SLC22A25: variants seen among roughly 807,000 people sequenced by gnomAD.
The protein encoded by SLC22A25 is MGI:2442751, MGI:2385316, MGI:3042283, MGI:3645714, MGI:3605624, MGI:2442750.
Under a neutral mutation model 45.9 loss-of-function variants are expected in SLC22A25, and 44 were observed. That is an observed-to-expected ratio of 0.96 (90% CI 0.75 to 1.23). The LOEUF (loss-of-function observed/expected upper bound fraction) is 1.23. Among genes scored for constraint, SLC22A25 ranks in the 50% most tolerant of loss-of-function variants. SLC22A25 has a pLI of 0.00. For synonymous variants in SLC22A25, 283 were observed against 238.6 expected (o/e 1.19, Z -1.72); for missense variants, 800 against 666.4 (o/e 1.20, Z -2.21).
At position 63,163,715 on chromosome 11, in the gene SLC22A25, A is replaced by T. The variant is rs1184618471; in HGVS notation, c.*109T>A. On this transcript the variant is annotated 3_prime_UTR_variant, in exon 12 of 12. Coordinates refer to ENST00000306494, the MANE Select transcript of SLC22A25 (RefSeq NM_199352.6). The stretch of plus-strand genomic sequence containing the variant: ...GATGTATGAGGTCACTGTGGAAGGG[A>T]TGAGGATACACCAAAGGCAAAGGCA... 4.9e-6 allele frequency: 7 copies of T among 1,430,402 alleles called. No homozygotes were observed. The East Asian group carries it at 1.6e-4, about 33-fold the overall frequency. 88.6% of individuals were successfully genotyped at this position (1,430,402 alleles called of 1,614,324 possible).
chr11:63,222,210 G>A (rs1434873233), intron 5 of SLC22A25, among the ~76,000 whole-genome samples: 2 of 152,100 alleles, frequency 1.3e-5, no homozygotes, highest in African/African-American at 2.4e-5. Flanking sequence ...ATCTGTGATT[G>A]TGTTGGGTAG....
rs79237594 is a variant in SLC22A25, at chr11:63,228,550, G to A, written c.417C>T (p.Cys139=). 11,238 of 1,612,654 alleles carry A rather than the reference G, an allele frequency of 7.0e-3. 663 individuals carry two copies. The African/African-American group carries it at 0.13, about 18-fold the overall frequency. Residue 139 remains cysteine, a synonymous_variant, in exon 5 of 12, where the codon TGC becomes TGT. Transcript: ENST00000306494. ...CTACTGAATTCAGTGGTTGAGATTC[G>A]CATACCAGATCCCACTGGAAGAAAA... ...STIVTKWDLV[C]ESQPLNSVAK... is the part of the protein sequence containing the mutation.
At chr11:63,177,854 G>A (rs1160758360) in intron 9 of SLC22A25, among the ~76,000 whole-genome samples, 15 of 3,696 alleles carry the variant, frequency 4.1e-3, no homozygotes, top group Middle Eastern at 0.056. Context: ...TATATATAAT[G>A]TATATATATA....
In SLC22A25 at chr11:63,164,619, C is replaced by T. The variant is rs148517822; in HGVS notation, c.1301G>A (p.Arg434His). 1.2e-3 allele frequency: 1,960 copies of T among 1,613,684 alleles called. 1 individual carries two copies. Among genetic ancestry groups the T allele is most frequent in the Middle Eastern group, 1.5e-3 (9 of 6,040 alleles). Residue 434 changes from arginine to histidine, a missense_variant, in exon 11 of 12, where the codon CGT becomes CAT. By Grantham distance (29) the Arg-to-His change is conservative. Coordinates refer to ENST00000306494, the MANE Select transcript of SLC22A25 (RefSeq NM_199352.6). ...CACACCCAGGGTTGCCAAAACCACACGCAGGGTCTGCATTTCTGGAGAAAG... is the reference window on the plus strand; with the variant it reads ...CACACCCAGGGTTGCCAAAACCACATGCAGGGTCTGCATTTCTGGAGAAAG... ...IFVPQEMQTLRVVLATLGVGA... is the reference protein window; with the variant it reads ...IFVPQEMQTLHVVLATLGVGA...
At position 63,210,526 on chromosome 11, in the gene SLC22A25, A is replaced by G. The variant is rs571002521; in HGVS notation, c.830+6788T>C. Among the ~76,000 whole-genome samples the G allele has an allele frequency of 2.0e-5, 3 of 152,266 alleles. No individual in the cohort carries two copies. In the South Asian group the frequency reaches 6.2e-4, roughly 32 times the overall value. On this transcript the variant is annotated intron_variant, in intron 7 of 11. Transcript: ENST00000306494. ...AGGAAAAGGATGGAGATGATGGTCA[A>G]TTGTCTAACACCCGAGTGTGGCATT... is the stretch of plus-strand genomic sequence containing the variant.
chr11:63,232,861 C>A (rs1183146662), intron 3 of SLC22A25, among the ~76,000 whole-genome samples: 1 of 152,142 alleles, frequency 6.6e-6, no homozygotes, highest in African/African-American at 2.4e-5. Context: ...TGCATTTTGT[C>A]AAAGGCCTTT....
At position 63,234,689 on chromosome 11, in the gene SLC22A25, G is replaced by A. The variant is rs187104945; in HGVS notation, c.-445+3192C>T. Among the ~76,000 whole-genome samples the A allele has an allele frequency of 2.0e-5, 3 of 152,274 alleles. No individual in the cohort carries two copies. In the East Asian group the frequency reaches 5.8e-4, roughly 29 times the overall value. Reference sequence around the variant, plus strand: ...ATTTGATCCTGTCATTATGATGTTAGCTGGTTATTTTGCTTGTTAGTTGAT... The same window carrying A: ...ATTTGATCCTGTCATTATGATGTTAACTGGTTATTTTGCTTGTTAGTTGAT... On this transcript the variant is annotated intron_variant, in intron 3 of 11. Transcript: ENST00000306494.
At chr11:63,230,599 C>T (rs2090048728) in intron 3 of SLC22A25, among the ~76,000 whole-genome samples, 2 of 152,094 alleles carry the variant, frequency 1.3e-5, no homozygotes, top group Non-Finnish European at 2.9e-5. Context: ...ATGTATACCT[C>T]ATTGAGGTAT....
intron 7 of SLC22A25, among the ~76,000 whole-genome samples, chr11:63,213,080 G>T (rs570847713): frequency 6.6e-6 from 1 of 152,158 alleles, no homozygotes. Flanking sequence ...GCTTGGAAGT[G>T]CACACAAGGA....
intron 7 of SLC22A25, among the ~76,000 whole-genome samples, chr11:63,213,902 G>A (rs762634310): frequency 4.6e-5 from 7 of 152,194 alleles, no homozygotes; most frequent in Admixed American, 1.3e-4. Context: ...TCCAACACTC[G>A]GTAGTCGAGG....
chr11:63,237,814 GA>G, intron 3 of SLC22A25, 66 bp downstream of exon 3: 1 of 152,254 alleles, frequency 6.6e-6, no homozygotes, highest in South Asian at 2.1e-4. Context: ...GTAGCCCCAG[GA>G]CAGTGTGATT....
At chr11:63,169,482 C>G (rs1014841516) in intron 9 of SLC22A25, among the ~76,000 whole-genome samples, 1 of 151,510 alleles carries the variant, frequency 6.6e-6, no homozygotes, top group African/African-American at 2.4e-5. Context: ...ATTTACCAAG[C>G]AAAGAGAAAG....
At chr11:63,218,350 G>A (rs1392237532) in intron 5 of SLC22A25, 1 of 232,716 alleles carries the variant, frequency 4.3e-6, no homozygotes, top group East Asian at 1.3e-4. Context: ...GACTACAAGA[G>A]TTGGCAGGGA....
chr11:63,208,848 A>T (rs1008803222), intron 7 of SLC22A25, among the ~76,000 whole-genome samples: 1 of 152,146 alleles, frequency 6.6e-6, no homozygotes, highest in Non-Finnish European at 1.5e-5. Context: ...TGACAGGGGA[A>T]GGCACGTTCC....
chr11:63,229,473 A>C lies in SLC22A25; in HGVS notation c.180T>G (p.Pro60=), dbSNP rs1003416838. 6.2e-7 allele frequency: 1 copy of C among 1,614,136 alleles called. No homozygotes were observed. Residue 60 remains proline, a synonymous_variant, in exon 4 of 12, where the codon CCT becomes CCG. Transcript: ENST00000306494. ...GGCTGAGGGTCCCAGGGTCATTGTC[A>C]GGGATAGTGTCATTGTCCAGTATAT... The part of the protein sequence containing the change: ...WVHILDNDTI[P]DNDPGTLSQD...
chr11:63,242,771 C>T (rs142932262), intron 1 of SLC22A25, among the ~76,000 whole-genome samples: 3 of 152,174 alleles, frequency 2.0e-5, no homozygotes, highest in South Asian at 2.1e-4. Flanking sequence ...TGCCTTCCCT[C>T]GTTTCTATTG....
intron 5 of SLC22A25, among the ~76,000 whole-genome samples, chr11:63,222,212 G>T (rs973763351): frequency 2.0e-5 from 3 of 152,026 alleles, no homozygotes; most frequent in African/African-American, 7.2e-5. Context: ...CTGTGATTGT[G>T]TTGGGTAGTA....
chr11:63,207,178 C>A (rs191831296), intron 7 of SLC22A25, among the ~76,000 whole-genome samples: 1 of 152,116 alleles, frequency 6.6e-6, no homozygotes, highest in Non-Finnish European at 1.5e-5. Context: ...AGAAGAAAAC[C>A]TAGGCATTAC....
At chr11:63,216,453 C>T (rs1212887184) in intron 7 of SLC22A25, among the ~76,000 whole-genome samples, 2 of 152,106 alleles carry the variant, frequency 1.3e-5, no homozygotes, top group Non-Finnish European at 2.9e-5. Flanking sequence ...TTCACAATAA[C>T]AAATACATGG....
Sources: gnomAD v4.1 joint callset for allele counts (sites outside exome capture counted in the v4.1 genomes callset) on GRCh38, gnomAD v4.1.1 for gene constraint, MANE v1.5 for transcripts, NCBI Gene and HGNC (gene_info 2026-07-23, HGNC 2026-07-21) for gene names.